GABBR2: variants seen among roughly 807,000 people sequenced by gnomAD.
GABBR2 encodes the protein gamma-aminobutyric acid type B receptor subunit 2, also known as G-protein coupled receptor 51.
GABBR2 carries 23 observed loss-of-function variants against 105.6 expected under a neutral mutation model. The ratio of observed to expected loss-of-function variants is 0.22; its 90% CI spans 0.16 to 0.31. The LOEUF (loss-of-function observed/expected upper bound fraction) is 0.31, where lower values mean the gene tolerates loss of function less well. Ranked by LOEUF, GABBR2 falls within the 10% of genes least tolerant of loss-of-function variation. GABBR2 has a pLI of 1.00. For missense variants in GABBR2, 734 were observed against 1,245.5 expected (o/e 0.59, Z 6.18); for synonymous variants, 478 against 499.7 (o/e 0.96, Z 0.58).
intron 1 of GABBR2, among the ~76,000 whole-genome samples, chr9:98,599,923 CA>C (rs1232943092): frequency 6.6e-6 from 1 of 152,134 alleles, no homozygotes; most frequent in Non-Finnish European, 1.5e-5. Context: ...GAGAAATGGG[CA>C]GAGCAGGAGC....
chr9:98,477,967 G>A (rs1826829133), intron 5 of GABBR2, among the ~76,000 whole-genome samples: 1 of 152,162 alleles, frequency 6.6e-6, no homozygotes, highest in African/African-American at 2.4e-5. Context: ...CCTGATTGAG[G>A]TCACACAGCT....
chr9:98,426,119 C>T (rs75459529), intron 7 of GABBR2, among the ~76,000 whole-genome samples: 8,618 of 152,264 alleles, frequency 0.057, 351 homozygotes, highest in South Asian at 0.14. Context: ...GAATCCCAGG[C>T]TAAGAAGTGT....
At chr9:98,514,203 A>G (rs1157331547) in intron 3 of GABBR2, among the ~76,000 whole-genome samples, 1 of 131,594 alleles carries the variant, frequency 7.6e-6, no homozygotes, top group Non-Finnish European at 1.7e-5. Context: ...GAATTGAACA[A>G]TGAGATCACA....
At chr9:98,532,835 A>T (rs1828092774) in intron 3 of GABBR2, among the ~76,000 whole-genome samples, 1 of 152,274 alleles carries the variant, frequency 6.6e-6, no homozygotes, top group South Asian at 2.1e-4. Flanking sequence ...TGAAGCATTA[A>T]CAACTCAGGA....
intron 3 of GABBR2, among the ~76,000 whole-genome samples, chr9:98,500,732 G>A (rs929853442): frequency 2.1e-4 from 32 of 152,122 alleles, no homozygotes; most frequent in Non-Finnish European, 4.3e-4. Context: ...CCCCACCCCC[G>A]CTACAAGAAC....
At chr9:98,623,636 C>T (rs910324355) in intron 1 of GABBR2, among the ~76,000 whole-genome samples, 14 of 152,066 alleles carry the variant, frequency 9.2e-5, no homozygotes, top group Non-Finnish European at 1.3e-4. Flanking sequence ...GCTCATGGCC[C>T]CTTCCTCCAT....
intron 13 of GABBR2, among the ~76,000 whole-genome samples, chr9:98,316,229 G>T (rs1474982346): frequency 6.6e-6 from 1 of 151,482 alleles, no homozygotes; most frequent in African/African-American, 2.4e-5. Flanking sequence ...TCAGCTCACT[G>T]CAACCTCTGC....
chr9:98,602,142 A>G (rs1829347415), intron 1 of GABBR2, among the ~76,000 whole-genome samples: 1 of 150,452 alleles, frequency 6.6e-6, no homozygotes, highest in Non-Finnish European at 1.5e-5. Flanking sequence ...CTGGGACCAC[A>G]GGCTTGCACC....
At chr9:98,641,353 G>A (rs1464544067) in intron 1 of GABBR2, among the ~76,000 whole-genome samples, 2 of 149,616 alleles carry the variant, frequency 1.3e-5, no homozygotes, top group African/African-American at 2.5e-5. Flanking sequence ...GGTCAGGCTG[G>A]TCTCGAACTC....
At chr9:98,608,860 G>A (rs1452898735) in intron 1 of GABBR2, among the ~76,000 whole-genome samples, 1 of 152,116 alleles carries the variant, frequency 6.6e-6, no homozygotes, top group African/African-American at 2.4e-5. Context: ...CTTTCATATG[G>A]TAGGAACCAA....
intron 14 of GABBR2, among the ~76,000 whole-genome samples, chr9:98,307,151 T>A (rs931136840): frequency 6.6e-6 from 1 of 152,164 alleles, no homozygotes; most frequent in Admixed American, 6.5e-5. Flanking sequence ...CTGGACTAGG[T>A]TTACCTGAGA....
At chr9:98,387,000 C>T (rs879453279) in intron 10 of GABBR2, among the ~76,000 whole-genome samples, 39 of 152,090 alleles carry the variant, frequency 2.6e-4, no homozygotes, top group Admixed American at 7.9e-4. Flanking sequence ...GCTGAGATGA[C>T]GCTGGGTCCT....
At chr9:98,475,438 C>T (rs1826772591) in intron 5 of GABBR2, among the ~76,000 whole-genome samples, 1 of 152,042 alleles carries the variant, frequency 6.6e-6, no homozygotes, top group Non-Finnish European at 1.5e-5. Flanking sequence ...CCTAGTAATC[C>T]CAGGTCATTT....
At chr9:98,582,758 T>C (rs966181220) in intron 1 of GABBR2, among the ~76,000 whole-genome samples, 13 of 152,342 alleles carry the variant, frequency 8.5e-5, no homozygotes, top group Non-Finnish European at 1.6e-4. Context: ...AGAGAGGTCT[T>C]GTTTTTAATG....
chr9:98,477,598 G>A (rs1163829394), intron 5 of GABBR2, among the ~76,000 whole-genome samples: 1 of 152,070 alleles, frequency 6.6e-6, no homozygotes, highest in African/African-American at 2.4e-5. Context: ...GGGTACTATT[G>A]CATGAGAGTG....
intron 4 of GABBR2, chr9:98,496,185 G>T (rs1588195164): frequency 1.8e-6 from 1 of 566,160 alleles, no homozygotes; most frequent in Non-Finnish European, 3.2e-6. Context: ...CATCAGGAAA[G>T]TGCTCAGTGG....
intron 13 of GABBR2, among the ~76,000 whole-genome samples, chr9:98,313,395 C>G (rs1044037351): frequency 1.3e-5 from 2 of 152,182 alleles, no homozygotes; most frequent in African/African-American, 4.8e-5. Flanking sequence ...ATAAATCTGT[C>G]TGTCTGTCTG....
intron 1 of GABBR2, among the ~76,000 whole-genome samples, chr9:98,589,763 G>A (rs1311926478): frequency 6.8e-6 from 1 of 147,698 alleles, no homozygotes; most frequent in Non-Finnish European, 1.5e-5. Context: ...CACTGAAGCT[G>A]GAGTGCAGTG....
chr9:98,486,358 A>G (rs982056010), intron 4 of GABBR2, among the ~76,000 whole-genome samples: 3 of 152,220 alleles, frequency 2.0e-5, no homozygotes, highest in Admixed American at 2.0e-4. Context: ...TTGAAGTGAA[A>G]GGATATAAAT....
Sources: gnomAD v4.1 joint callset for allele counts (sites outside exome capture counted in the v4.1 genomes callset) on GRCh38, gnomAD v4.1.1 for gene constraint, MANE v1.5 for transcripts, NCBI Gene and HGNC (gene_info 2026-07-23, HGNC 2026-07-21) for gene names.